The following ZNF419 variants were observed in gnomAD, a reference collection of about 807,000 sequenced individuals.
The protein encoded by ZNF419 is zinc finger protein 419.
Under a neutral mutation model 14.9 loss-of-function variants are expected in ZNF419, and 8 were observed. The ratio of observed to expected loss-of-function variants is 0.54; its 90% CI spans 0.32 to 0.97. ZNF419 has a LOEUF of 0.97. Among genes scored for constraint, ZNF419 ranks in the 50% least tolerant of loss-of-function variants. ZNF419 has a pLI of 0.04. For synonymous variants in ZNF419, 211 were observed against 205.3 expected, an observed-to-expected ratio of 1.03 and a Z score of -0.24; for missense variants, 595 against 607.2, an observed-to-expected ratio of 0.98 and a Z score of 0.21.
chr19:57,495,950 C>T lies in ZNF419; in HGVS notation c.*1860C>T, dbSNP rs2089605185. 1 of 151,964 alleles carries T rather than the reference C, an allele frequency of 6.6e-6. No homozygotes were observed. Among genetic ancestry groups the T allele is most frequent in the Non-Finnish European group, 1.5e-5 (1 of 68,002 alleles). The allele number at this position is 151,964 out of a possible 1,614,324, so 9.4% of individuals were successfully genotyped here. ...CCAGTAGTTTTGAGCACATTTAATA[C>T]CCAGTTATTGGTTTATATCATTTTT... On this transcript the variant is annotated 3_prime_UTR_variant, in exon 5 of 5. Transcript: ENST00000221735.
At position 57,492,211 on chromosome 19, in the gene ZNF419, GGT is replaced by G; in HGVS notation, c.298+1_298+2del. ...AGTTGTGACTTCAGCCATACCGAGAGGTAGTTGGTGGGTGGAGCTCAGGGAGG... is the reference window on the plus strand; with the variant it reads ...AGTTGTGACTTCAGCCATACCGAGAGAGTTGGTGGGTGGAGCTCAGGGAGG... On this transcript the variant is annotated splice_donor_variant, in intron 4 of 4. Transcript: ENST00000221735. LOFTEE classifies it high-confidence loss of function. 6.2e-7 allele frequency: 1 copy of G among 1,614,098 alleles called. No individual in the cohort carries two copies. The highest frequency in any genetic ancestry group is 8.5e-7 in the Non-Finnish European group (1 of 1,180,006).
intron 1 of ZNF419, chr19:57,489,879 T>C (rs560200775): frequency 2.5e-6 from 1 of 406,766 alleles, no homozygotes; most frequent in African/African-American, 2.0e-5. Context: ...AGTTGATACT[T>C]AGTCCTAGAC....
rs768868328 is a variant in ZNF419, at chr19:57,494,067, A to T, written c.1510A>T (p.Ile504Phe). 6 of 1,607,952 alleles carry T rather than the reference A, an allele frequency of 3.7e-6. No individual in the cohort carries two copies. The East Asian group carries it at 8.9e-5, about 24-fold the overall frequency. The change falls in exon 5 of 5, where the codon ATT becomes TTT. Residue 504 changes from isoleucine (I) to phenylalanine (F), a missense_variant. By Grantham distance (21) the Ile-to-Phe change is conservative. Transcript: ENST00000221735. Reference protein sequence around the residue: ...HNSSLFKHRRIHTGEMQ With the variant: ...HNSSLFKHRRFHTGEMQ ...CTCCAGTCTTTTTAAACATCGAAGG[A>T]TTCACACTGGAGAAATGCAGTGATT... is the stretch of plus-strand genomic sequence containing the variant.
At chr19:57,492,826 TTTAC>T in intron 4 of ZNF419, 26 bp from the exon 5 acceptor site, 2 of 1,613,590 alleles carry the variant, frequency 1.2e-6, no homozygotes, top group Non-Finnish European at 1.7e-6. Context: ...AAAGTCTACA[TTTAC>T]TTCTTCAACA....
chr19:57,489,612 C>T (rs2089438316), intron 1 of ZNF419: 1 of 152,588 alleles, frequency 6.6e-6, no homozygotes, highest in Non-Finnish European at 1.5e-5. Flanking sequence ...GCCTCAGCCT[C>T]CTGAGTAGCT....
At position 57,493,671 on chromosome 19, in the gene ZNF419, A is replaced by G. The variant is rs566606408; in HGVS notation, c.1114A>G (p.Lys372Glu). The change falls in exon 5 of 5, where the codon AAG becomes GAG. Residue 372 changes from lysine to glutamate, a missense_variant. By Grantham distance (56) the Lys-to-Glu change is moderately conservative. Coordinates refer to ENST00000221735, the MANE Select transcript of ZNF419 (RefSeq NM_024691.4). ...TGTTCATACTGGAGAAAGGCCTTAC[A>G]AGTGCAGCGACTGTGGGAAATTTTT... is the stretch of plus-strand genomic sequence containing the variant. ...WRVHTGERPYKCSDCGKFFTQ... is the reference protein window; with the variant it reads ...WRVHTGERPYECSDCGKFFTQ... 18 of 1,613,914 alleles carry G rather than the reference A, an allele frequency of 1.1e-5. No individual in the cohort carries two copies. The highest frequency in any genetic ancestry group is 9.3e-5 in the African/African-American group (7 of 74,982).
chr19:57,492,746 T>TGCTAGCAGAAATAAAGAGG, intron 4 of ZNF419, 110 bp from the exon 5 acceptor site: 2 of 1,423,024 alleles, frequency 1.4e-6, no homozygotes, highest in Non-Finnish European at 2.0e-6. Flanking sequence ...TCTTTATTTC[T>TGCTAGCAGAAATAAAGAGG]GCTAGCAGCC....
At chr19:57,490,291 C>G (rs760713831) in intron 2 of ZNF419, 106 bp downstream of exon 2, 45 of 1,019,544 alleles carry the variant, frequency 4.4e-5, no homozygotes, top group Middle Eastern at 5.5e-4. Context: ...CCCTACCCTT[C>G]CATTTGAGTT....
In ZNF419 at chr19:57,493,066, T is replaced by C. The variant is rs748017910; in HGVS notation, c.509T>C (p.Ile170Thr). 34 of 1,613,996 alleles carry C rather than the reference T, an allele frequency of 2.1e-5. No homozygotes were observed. Among genetic ancestry groups the C allele is most frequent in the African/African-American group, 1.1e-4 (8 of 75,012 alleles). ...AGGGAGGTTGGGAAGGCCCTCCTGA[T>C]CAGCTCAGGTGTTCTCAAGCACCAG... is the stretch of plus-strand genomic sequence containing the variant. ...QSREVGKALLISSGVLKHQVT... is the reference protein window; with the variant it reads ...QSREVGKALLTSSGVLKHQVT... The change falls in exon 5 of 5, where the codon ATC (isoleucine) becomes ACC (threonine). Residue 170 changes from isoleucine (I) to threonine (T), a missense_variant. Ile to Thr is a moderately conservative substitution (Grantham distance 89). Coordinates refer to ENST00000221735, the MANE Select transcript of ZNF419 (RefSeq NM_024691.4).
At chr19:57,488,274 C>T in intron 1 of ZNF419, 1 of 508,666 alleles carries the variant, frequency 2.0e-6, no homozygotes, top group East Asian at 3.1e-5. Flanking sequence ...CTGAGGGGGC[C>T]ACAGTGGCCG....
At chr19:57,488,292 C>T in intron 1 of ZNF419, 1 of 486,700 alleles carries the variant, frequency 2.1e-6, no homozygotes, top group Non-Finnish European at 3.7e-6. Flanking sequence ...CCGCGGAGGG[C>T]TGGAGACAGA....
Position 57,491,370 on chromosome 19 carries a change from G to C in ZNF419, c.73-101G>C. ...GGGGCAGGGTCTCTCCTCTGAGATG[G>C]GGATTAAGGAAGAGGGTGAGCAGGG... On this transcript the variant is annotated intron_variant, in intron 2 of 4. Coordinates refer to ENST00000221735, the MANE Select transcript of ZNF419 (RefSeq NM_024691.4). 1.9e-6 allele frequency: 3 copies of C among 1,547,064 alleles called. No individual in the cohort carries two copies. In the South Asian group the frequency reaches 3.6e-5, roughly 19 times the overall value.
intron 2 of ZNF419, chr19:57,491,208 G>A (rs879399671): frequency 3.7e-6 from 2 of 534,932 alleles, no homozygotes; most frequent in Non-Finnish European, 6.7e-6. Flanking sequence ...ACAGTCTAGG[G>A]GATCCAAGGT....
intron 1 of ZNF419, chr19:57,489,594 A>G (rs1430312435): frequency 6.7e-6 from 1 of 148,512 alleles, no homozygotes; most frequent in African/African-American, 2.5e-5. Flanking sequence ...GGTTCAAGCG[A>G]TTCCCCTGCC....
chr19:57,493,332 T>TA lies in ZNF419; in HGVS notation c.776dup (p.Tyr259Ter), dbSNP rs1161911676. 9 of 1,614,204 alleles carry TA rather than the reference T, an allele frequency of 5.6e-6. 1 individual carries two copies. In the South Asian group the frequency reaches 9.9e-5, roughly 18 times the overall value. The change falls in exon 5 of 5, where the codon TAC (tyrosine) becomes TAAC (stop). Residue 259 changes from tyrosine to a stop codon, truncating the protein, a stop_gained and frameshift_variant. Coordinates refer to ENST00000221735, the MANE Select transcript of ZNF419 (RefSeq NM_024691.4). LOFTEE classifies it low-confidence loss of function (END_TRUNC). ...HQIVHTGERP[Y>*]GCSNCGKSFS... ...AATAGTTCACACTGGAGAAAGGCCTTACGGGTGTAGTAACTGTGGAAAATC... is the reference window on the plus strand; with the variant it reads ...AATAGTTCACACTGGAGAAAGGCCTTAACGGGTGTAGTAACTGTGGAAAATC...
In ZNF419 at chr19:57,493,448, G is replaced by A. The variant is rs747988540; in HGVS notation, c.891G>A (p.Arg297=). The A allele has an allele frequency of 1.9e-6, 3 of 1,612,530 alleles. No homozygotes were observed. The highest frequency in any genetic ancestry group is 2.5e-6 in the Non-Finnish European group (3 of 1,179,636). ...GCAGTGAATGTGGAAAAGCTTTCAGGCATAATTCCACACTTGTTCAGCATC... is the reference window on the plus strand; with the variant it reads ...GCAGTGAATGTGGAAAAGCTTTCAGACATAATTCCACACTTGTTCAGCATC... ...FTCSECGKAF[R]HNSTLVQHHK... The change falls in exon 5 of 5, where the codon AGG becomes AGA. Residue 297 remains arginine, a synonymous_variant. Transcript: ENST00000221735.
In ZNF419 at chr19:57,491,537, G is replaced by A. The variant is rs772223834; in HGVS notation, c.139G>A (p.Ala47Thr). 2.3e-5 allele frequency: 37 copies of A among 1,613,918 alleles called. No homozygotes were observed. The highest frequency in any genetic ancestry group is 5.3e-5 in the African/African-American group (4 of 74,854). Residue 47 changes from alanine to threonine, a missense_variant, in exon 3 of 5, where the codon GCT becomes ACT. Physicochemically the swap from Ala to Thr is moderately conservative, Grantham distance 58 (BLOSUM62 0). Transcript: ENST00000221735. ...GGAGGAATGGAGATTGCTTGATGAC[G>A]CTCAGAGGCTCCTCTACCGCAATGT... Reference protein sequence around the residue: ...SQEEWRLLDDAQRLLYRNVML... With the variant: ...SQEEWRLLDDTQRLLYRNVML...
Position 57,494,110 on chromosome 19 carries a change from C to T in ZNF419, c.*20C>T, listed in dbSNP as rs2089575463. On this transcript the variant is annotated 3_prime_UTR_variant, in exon 5 of 5. Transcript: ENST00000221735. ...CAGTGATTGTGTGAAATCCTTTAGC[C>T]AGCGTTTCAACCTCATTCAACACCA... 1.9e-6 allele frequency: 3 copies of T among 1,566,414 alleles called. No individual in the cohort carries two copies. The Admixed American group carries it at 5.9e-5, about 31-fold the overall frequency.
chr19:57,491,151 G>C (rs2089472117), intron 2 of ZNF419: 3 of 390,004 alleles, frequency 7.7e-6, no homozygotes, highest in Non-Finnish European at 1.4e-5. Flanking sequence ...CTTGTACTGG[G>C]GGCTTCAGGG....
Sources: gnomAD v4.1 joint callset for allele counts on GRCh38, gnomAD v4.1.1 for gene constraint, MANE v1.5 for transcripts, NCBI Gene and HGNC (gene_info 2026-07-23, HGNC 2026-07-21) for gene names.